CDH8: variants seen among roughly 807,000 people sequenced by gnomAD.
The protein encoded by CDH8 is cadherin 8, also known as cadherin-8.
In CDH8, 17 loss-of-function variants were observed where a neutral mutation model predicts 68.1. That is an observed-to-expected ratio of 0.25 (90% CI 0.17 to 0.37). CDH8 has a LOEUF of 0.37. CDH8 is among the 10% of genes least tolerant of loss of function. The pLI is 1.00. For synonymous variants in CDH8, 372 were observed against 365.1 expected (o/e 1.02, Z -0.21); for missense variants, 763 against 999.3 (o/e 0.76, Z 3.19).
Position 61,830,072 on chromosome 16 carries a change from T to G in CDH8, c.668-4893A>C, listed in dbSNP as rs11861238. Among the ~76,000 whole-genome samples the G allele has an allele frequency of 5.0e-3, 759 of 152,018 alleles. 8 individuals are homozygous for G. Among genetic ancestry groups the G allele is most frequent in the African/African-American group, 0.017 (722 of 41,538 alleles). Reference sequence around the variant, plus strand: ...CCAAAAATAGAAAATGAAAATAGCCTTACTATTCTCTTCTACTTCTTTTCT... The same window carrying G: ...CCAAAAATAGAAAATGAAAATAGCCGTACTATTCTCTTCTACTTCTTTTCT... On this transcript the variant is annotated intron_variant, in intron 4 of 11. Transcript: ENST00000577390.
intron 8 of CDH8, among the ~76,000 whole-genome samples, chr16:61,763,208 G>A (rs555234829): frequency 2.6e-5 from 4 of 152,162 alleles, no homozygotes; most frequent in South Asian, 2.1e-4. Context: ...TTGTCTATTC[G>A]GCCAGCTCCA....
intron 2 of CDH8, among the ~76,000 whole-genome samples, chr16:61,990,693 G>A (rs1194022917): frequency 2.0e-5 from 3 of 152,054 alleles, no homozygotes; most frequent in African/African-American, 7.2e-5. Context: ...GTGTGGCGGT[G>A]CACACCTGTA....
chr16:61,702,238 G>A (rs1964443818), intron 10 of CDH8, among the ~76,000 whole-genome samples: 2 of 152,164 alleles, frequency 1.3e-5, no homozygotes, highest in Admixed American at 6.5e-5. Flanking sequence ...CGGGAGTGGC[G>A]GCGGGTGCCT....
At chr16:61,879,308 T>G (rs1030291342) in intron 3 of CDH8, among the ~76,000 whole-genome samples, 3 of 152,226 alleles carry the variant, frequency 2.0e-5, no homozygotes, top group Non-Finnish European at 4.4e-5. Flanking sequence ...AGAAAGGCCA[T>G]GAACACTTTC....
chr16:61,941,817 C>T (rs1029327484), intron 2 of CDH8, among the ~76,000 whole-genome samples: 1 of 152,144 alleles, frequency 6.6e-6, no homozygotes, highest in Non-Finnish European at 1.5e-5. Context: ...TCTGTTGACA[C>T]CCTTTTCTTT....
intron 2 of CDH8, among the ~76,000 whole-genome samples, chr16:61,943,177 T>C (rs1964751105): frequency 6.6e-6 from 1 of 152,224 alleles, no homozygotes. Context: ...TGTTTCATCT[T>C]CTGTATTTCC....
At chr16:61,699,873 G>A (rs964497339) in intron 10 of CDH8, among the ~76,000 whole-genome samples, 54 of 152,266 alleles carry the variant, frequency 3.5e-4, no homozygotes, top group African/African-American at 1.3e-3. Flanking sequence ...ACCGTGCCCG[G>A]CCCACCCAGC....
chr16:62,017,999 A>C (rs1177075719), intron 2 of CDH8, among the ~76,000 whole-genome samples: 3 of 152,190 alleles, frequency 2.0e-5, no homozygotes, highest in African/African-American at 7.2e-5. Flanking sequence ...ACATACACAC[A>C]CACATACAAT....
At chr16:61,784,586 C>T (rs1415510610) in intron 8 of CDH8, among the ~76,000 whole-genome samples, 2 of 138,848 alleles carry the variant, frequency 1.4e-5, no homozygotes, top group Admixed American at 1.5e-4. Flanking sequence ...ACCAAGCAGA[C>T]CTAATAGACA....
chr16:61,890,906 T>C (rs1028591222), intron 3 of CDH8, among the ~76,000 whole-genome samples: 1 of 152,148 alleles, frequency 6.6e-6, no homozygotes, highest in African/African-American at 2.4e-5. Context: ...CCAGCTTATG[T>C]TGATAATGGG....
At chr16:61,823,147 C>T (rs1962252874) in intron 5 of CDH8, among the ~76,000 whole-genome samples, 1 of 151,798 alleles carries the variant, frequency 6.6e-6, no homozygotes, top group African/African-American at 2.4e-5. Flanking sequence ...TATGAATTGC[C>T]AGATGTAAAA....
chr16:61,779,937 T>C (rs1223059286), intron 8 of CDH8, among the ~76,000 whole-genome samples: 1 of 152,192 alleles, frequency 6.6e-6, no homozygotes, highest in Non-Finnish European at 1.5e-5. Context: ...AAGTGAGGTT[T>C]CTGTGGAAGG....
Position 61,843,273 on chromosome 16 carries a change from G to A in CDH8, c.667+13846C>T, listed in dbSNP as rs182147406. 2.9e-3 allele frequency among the ~76,000 whole-genome samples: 437 copies of A among 152,210 alleles called. 1 individual carries two copies. Among genetic ancestry groups the A allele is most frequent in the Non-Finnish European group, 3.4e-3 (231 of 68,002 alleles). On this transcript the variant is annotated intron_variant, in intron 4 of 11. Coordinates refer to ENST00000577390, the MANE Select transcript of CDH8 (RefSeq NM_001796.5). The stretch of plus-strand genomic sequence containing the variant: ...AATGGGACTCAGAATTGAGAGATGC[G>A]GGATTCAAGACAGTAATATTTGGCT...
At chr16:61,712,209 T>C (rs955051226) in intron 10 of CDH8, among the ~76,000 whole-genome samples, 1 of 151,706 alleles carries the variant, frequency 6.6e-6, no homozygotes, top group Non-Finnish European at 1.5e-5. Flanking sequence ...TAAAATTCAT[T>C]TATTGTAGAA....
chr16:61,745,289 A>G (rs1367436022), intron 8 of CDH8, among the ~76,000 whole-genome samples: 2 of 151,518 alleles, frequency 1.3e-5, no homozygotes, highest in Non-Finnish European at 2.9e-5. Flanking sequence ...TTAAATTCTC[A>G]TTGTCTTTAT....
intron 3 of CDH8, among the ~76,000 whole-genome samples, chr16:61,884,522 T>C (rs1848816): frequency 0.54 from 81,802 of 151,498 alleles, 24,503 homozygotes; most frequent in African/African-American, 0.82. Context: ...GACAGCTCTG[T>C]GCCACCACAC....
At chr16:62,023,834 T>C (rs548983657) in intron 1 of CDH8, among the ~76,000 whole-genome samples, 7 of 152,218 alleles carry the variant, frequency 4.6e-5, no homozygotes, top group Admixed American at 2.0e-4. Context: ...TTTCCAGTTC[T>C]CCCCTACTCC....
At chr16:62,025,197 C>T (rs926458260) in intron 1 of CDH8, among the ~76,000 whole-genome samples, 4 of 152,072 alleles carry the variant, frequency 2.6e-5, no homozygotes, top group African/African-American at 9.7e-5. Flanking sequence ...AACAAGACCA[C>T]CAATTAATCT....
intron 8 of CDH8, among the ~76,000 whole-genome samples, chr16:61,733,756 T>G (rs2142908231): frequency 6.6e-6 from 1 of 152,048 alleles, no homozygotes; most frequent in Admixed American, 6.6e-5. Flanking sequence ...ATAAAACAAC[T>G]TTTGAGTTTG....
Sources: allele counts gnomAD v4.1 joint callset (sites outside exome capture counted in the v4.1 genomes callset), GRCh38; gene constraint gnomAD v4.1.1; transcripts MANE v1.5; gene names NCBI Gene and HGNC (gene_info 2026-07-23, HGNC 2026-07-21).